NFIB: variants seen among roughly 807,000 people sequenced by gnomAD.
NFIB encodes the protein nuclear factor I B.
NFIB carries 11 observed loss-of-function variants against 61.5 expected under a neutral mutation model. The observed-to-expected ratio is 0.18, with a 90% CI of 0.11 to 0.30. The LOEUF (loss-of-function observed/expected upper bound fraction) is 0.30. Ranked by LOEUF, NFIB falls within the 10% of genes least tolerant of loss-of-function variation. The probability of loss-of-function intolerance (pLI) is 1.00; values close to 1 mark genes in which losing one functional copy is unlikely to be tolerated. For synonymous variants in NFIB, 260 were observed against 216.5 expected, an observed-to-expected ratio of 1.20 and a Z score of -1.76; for missense variants, 471 against 608.9, an observed-to-expected ratio of 0.77 and a Z score of 2.38.
At chr9:14,097,306 A>G (rs188309247) in intron 10 of NFIB, among the ~76,000 whole-genome samples, 1 of 152,304 alleles carries the variant, frequency 6.6e-6, no homozygotes, top group African/African-American at 2.4e-5. Context: ...TTTCTATCAT[A>G]GTCCCAGAGT....
chr9:14,422,578 A>G, the NFIB span, among the ~76,000 whole-genome samples: 3 of 152,264 alleles, frequency 2.0e-5, no homozygotes, highest in South Asian at 6.2e-4. Context: ...CAACACACTT[A>G]TAAAACCCAA....
intron 8 of NFIB, among the ~76,000 whole-genome samples, chr9:14,119,645 A>C (rs1252421929): frequency 2.0e-5 from 3 of 152,212 alleles, no homozygotes; most frequent in Non-Finnish European, 2.9e-5. Context: ...GGAGTCTTAG[A>C]GGTAAAGCAG....
At chr9:14,309,625 A>T (rs1420099540) in intron 1 of NFIB, among the ~76,000 whole-genome samples, 1 of 152,242 alleles carries the variant, frequency 6.6e-6, no homozygotes, top group Non-Finnish European at 1.5e-5. Context: ...AGCCCTGCTC[A>T]CAGCAACCAC....
chr9:14,141,250 T>G (rs1157997926), intron 6 of NFIB, among the ~76,000 whole-genome samples: 2 of 152,178 alleles, frequency 1.3e-5, no homozygotes, highest in African/African-American at 4.8e-5. Context: ...AGAAGACATT[T>G]ATATAACAGA....
At chr9:14,366,900 C>T (rs1270491267) in intron 1 of NFIB, among the ~76,000 whole-genome samples, 1 of 152,206 alleles carries the variant, frequency 6.6e-6, no homozygotes, top group Non-Finnish European at 1.5e-5. Context: ...GAAATGAACA[C>T]ATTTCAGGCA....
intron 1 of NFIB, among the ~76,000 whole-genome samples, chr9:14,389,797 A>G (rs533944178): frequency 6.6e-6 from 1 of 152,246 alleles, no homozygotes; most frequent in East Asian, 1.9e-4. Flanking sequence ...AATTTCTATG[A>G]CATCATCATC....
chr9:14,348,003 C>T (rs764535438), intron 1 of NFIB, among the ~76,000 whole-genome samples: 3 of 152,254 alleles, frequency 2.0e-5, no homozygotes, highest in African/African-American at 7.2e-5. Context: ...TTGGTGCTAG[C>T]GATCCGACAG....
chr9:14,424,258 A>C, the NFIB span, among the ~76,000 whole-genome samples: 1 of 152,142 alleles, frequency 6.6e-6, no homozygotes, highest in African/African-American at 2.4e-5. Context: ...CAGAAGAAGA[A>C]ATGTAGTGAT....
At chr9:14,364,091 G>A (rs919984083) in intron 1 of NFIB, among the ~76,000 whole-genome samples, 1 of 152,092 alleles carries the variant, frequency 6.6e-6, no homozygotes, top group Non-Finnish European at 1.5e-5. Flanking sequence ...ATTATTATTG[G>A]GTCAAAGGGT....
chr9:14,294,349 A>G (rs1187671305), intron 2 of NFIB, among the ~76,000 whole-genome samples: 1 of 152,232 alleles, frequency 6.6e-6, no homozygotes, highest in African/African-American at 2.4e-5. Context: ...ATGAAAGGCA[A>G]CTAGAATTTA....
the NFIB span, among the ~76,000 whole-genome samples, chr9:14,428,190 C>A: frequency 6.6e-6 from 1 of 151,972 alleles, no homozygotes; most frequent in African/African-American, 2.4e-5. Context: ...AAGTAATCCT[C>A]CCACTTCAGC....
chr9:14,150,340 A>C (rs2042727642), intron 4 of NFIB, 75 bp from the exon 5 acceptor site: 2 of 1,597,492 alleles, frequency 1.3e-6, no homozygotes, highest in Non-Finnish European at 1.7e-6. Flanking sequence ...ATAATCGAGA[A>C]TCTTTCATGC....
chr9:14,274,335 T>C (rs1000201368), intron 2 of NFIB, among the ~76,000 whole-genome samples: 2 of 151,244 alleles, frequency 1.3e-5, no homozygotes, highest in South Asian at 2.1e-4. Context: ...GTAATGTTTT[T>C]CAGAATTTCT....
intron 1 of NFIB, among the ~76,000 whole-genome samples, chr9:14,335,012 A>G (rs756334595): frequency 5.9e-5 from 9 of 152,198 alleles, no homozygotes; most frequent in Non-Finnish European, 1.2e-4. Context: ...TTGTAACAAT[A>G]GTTCATTTCT....
At position 14,313,960 on chromosome 9, in the gene NFIB, GGGAGGGCGCA is replaced by G. The variant is rs1364598468; in HGVS notation, c.-459_-450del. The G allele has an allele frequency of 1.9e-6, 2 of 1,061,946 alleles. No homozygotes were observed. Among genetic ancestry groups the G allele is most frequent in the Admixed American group, 5.5e-5 (1 of 18,244 alleles). 65.8% of individuals were successfully genotyped at this position (1,061,946 alleles called of 1,614,324 possible). On this transcript the variant is annotated 5_prime_UTR_variant, in exon 1 of 11. Coordinates refer to ENST00000380953, the MANE Select transcript of NFIB (RefSeq NM_001190737.2). This position sits in a 1 kb window ranked among gnomAD's most constrained non-coding sequence, Gnocchi z 4.5. ...TCAAAAAAGGCGGGGAGGGGGGCGC[GGGAGGGCGCA>G]GGAGGGCGAGCGGGCGGGCGGGAGG...
chr9:14,113,235 G>C (rs1454086116), intron 9 of NFIB, among the ~76,000 whole-genome samples, 154 bp from the exon 10 acceptor site: 1 of 151,978 alleles, frequency 6.6e-6, no homozygotes, highest in African/African-American at 2.4e-5. Context: ...AACACCAAGT[G>C]ATAGAAAAGA....
chr9:14,511,349 T>C, the NFIB span, among the ~76,000 whole-genome samples: 7 of 152,204 alleles, frequency 4.6e-5, no homozygotes, highest in African/African-American at 1.7e-4. Context: ...ATCTTTATAA[T>C]CTTTTCATTA....
the NFIB span, among the ~76,000 whole-genome samples, chr9:14,432,459 A>G: frequency 6.6e-6 from 1 of 152,324 alleles, no homozygotes; most frequent in East Asian, 1.9e-4. Flanking sequence ...GTGACCATTG[A>G]ATTCTGACCA....
In NFIB at chr9:14,209,848, G is replaced by T. The variant is rs577754679; in HGVS notation, c.563-30068C>A. ...CCCACTGTGAAACCCAAAAGTACAGGATACATTTTAAATGACTAGAACTGC... is the reference window on the plus strand; with the variant it reads ...CCCACTGTGAAACCCAAAAGTACAGTATACATTTTAAATGACTAGAACTGC... On this transcript the variant is annotated intron_variant, in intron 2 of 10. Transcript: ENST00000380953. Among the ~76,000 whole-genome samples the T allele has an allele frequency of 3.3e-5, 5 of 152,014 alleles. No individual in the cohort carries two copies. The East Asian group carries it at 9.7e-4, about 29-fold the overall frequency.
Sources: gnomAD v4.1 joint callset for allele counts (sites outside exome capture counted in the v4.1 genomes callset) on GRCh38, gnomAD v4.1.1 for gene constraint, Gnocchi (gnomAD v3.1) non-coding constraint, MANE v1.5 for transcripts, NCBI Gene and HGNC (gene_info 2026-07-23, HGNC 2026-07-21) for gene names.